RUFY2: variants seen among roughly 807,000 people sequenced by gnomAD.
RUFY2 encodes RUN and FYVE domain-containing protein 2.
A neutral mutation model predicts 94.4 loss-of-function variants in RUFY2; 49 were observed. That is an observed-to-expected ratio of 0.52 (90% CI 0.41 to 0.66). RUFY2 has a LOEUF of 0.66. Among genes scored for constraint, RUFY2 ranks in the 30% least tolerant of loss-of-function variants. The probability of loss-of-function intolerance (pLI) is 0.00; values close to 1 mark genes in which losing one functional copy is unlikely to be tolerated. For missense variants in RUFY2, 541 were observed against 692.8 expected, an observed-to-expected ratio of 0.78 and a Z score of 2.46; for synonymous variants, 255 against 235.7, an observed-to-expected ratio of 1.08 and a Z score of -0.75.
chr10:68,400,472 C>T (rs902393347), intron 3 of RUFY2, among the ~76,000 whole-genome samples: 11 of 151,038 alleles, frequency 7.3e-5, no homozygotes, highest in African/African-American at 2.7e-4. Flanking sequence ...GTCAGGAGAT[C>T]AAGACCATCC....
intron 3 of RUFY2, among the ~76,000 whole-genome samples, chr10:68,400,630 C>T (rs1333120924): frequency 6.7e-6 from 1 of 149,936 alleles, no homozygotes; most frequent in South Asian, 2.1e-4. Context: ...GAGCTGAAAT[C>T]GCACCACTAC....
rs780506311 is a variant in RUFY2 at position 68,394,398 on chromosome 10, A to G, written c.452T>C (p.Val151Ala). Residue 151 changes from valine (V) to alanine (A), a missense_variant, in exon 5 of 18, where the codon GTT (valine) becomes GCT (alanine). Val to Ala is a moderately conservative substitution (Grantham distance 64, BLOSUM62 0). Transcript: ENST00000602465. ...LMMEEEGAVI[V>A]GLLVGLNVID... ...CACATTCAGGCCAACCAGCAGCCCA[A>G]CAATTACTGCTCCTTCTTCTTCCAT... is the stretch of plus-strand genomic sequence containing the variant. The G allele has an allele frequency of 6.2e-7, 1 of 1,613,770 alleles. No individual in the cohort carries two copies. The highest frequency in any genetic ancestry group is 8.5e-7 in the Non-Finnish European group (1 of 1,179,728).
intron 12 of RUFY2, chr10:68,378,474 T>G: frequency 8.9e-6 from 12 of 1,355,110 alleles, no homozygotes; most frequent in Non-Finnish European, 1.1e-5. Context: ...TTTTAGAATA[T>G]TTAATAGCAT....
At chr10:68,353,408 G>C (rs2046832124) in intron 16 of RUFY2, among the ~76,000 whole-genome samples, 2 of 150,460 alleles carry the variant, frequency 1.3e-5, no homozygotes, top group Admixed American at 6.7e-5. Flanking sequence ...TGAGGCAGGA[G>C]AATCACTGAA....
At position 68,345,064 on chromosome 10, in the gene RUFY2, T is replaced by C. The variant is rs2046197985; in HGVS notation, c.*704A>G. On this transcript the variant is annotated 3_prime_UTR_variant, in exon 18 of 18. Coordinates refer to ENST00000602465, the MANE Select transcript of RUFY2 (RefSeq NM_001330103.2). ...TTAATGAAACAGCATATGGGAAGAT[T>C]TATAAATCAGGAAAAGAAAGATGGT... The C allele has an allele frequency of 6.6e-6, 1 of 152,160 alleles. No homozygotes were observed. Among genetic ancestry groups the C allele is most frequent in the South Asian group, 2.1e-4 (1 of 4,830 alleles). The allele number at this position is 152,160 out of a possible 1,614,324, so 9.4% of individuals were successfully genotyped here. A position where few individuals can be genotyped will look rare whatever the true frequency, so the allele number is the denominator to read the frequency against.
intron 15 of RUFY2, among the ~76,000 whole-genome samples, chr10:68,361,798 A>G (rs2132465804): frequency 6.6e-6 from 1 of 152,366 alleles, no homozygotes; most frequent in Middle Eastern, 3.4e-3. Flanking sequence ...TACAAATGAC[A>G]TATGTCCATA....
At position 68,345,099 on chromosome 10, in the gene RUFY2, C is replaced by G. The variant is rs2046199600; in HGVS notation, c.*669G>C. 6.6e-6 allele frequency: 1 copy of G among 152,268 alleles called. No individual in the cohort carries two copies. Among genetic ancestry groups the G allele is most frequent in the Non-Finnish European group, 1.5e-5 (1 of 68,128 alleles). The allele number at this position is 152,268 out of a possible 1,614,324, so 9.4% of individuals were successfully genotyped here. ...GGAAAAGAAAGATGGTTATATGTAACTTCCTTTCAAGATTAAAAGGAAAAA... is the reference window on the plus strand; with the variant it reads ...GGAAAAGAAAGATGGTTATATGTAAGTTCCTTTCAAGATTAAAAGGAAAAA... On this transcript the variant is annotated 3_prime_UTR_variant, in exon 18 of 18. Coordinates refer to ENST00000602465, the MANE Select transcript of RUFY2 (RefSeq NM_001330103.2).
At chr10:68,388,651 A>G (rs181423204) in intron 7 of RUFY2, among the ~76,000 whole-genome samples, 19 of 152,182 alleles carry the variant, frequency 1.2e-4, no homozygotes, top group Admixed American at 8.5e-4. Context: ...CCTGGGCAAC[A>G]TGGTGAAACC....
rs769166818 is a variant in RUFY2, at chr10:68,376,492, T to A, written c.1325+361A>T. ...TATATATATATATATATATATATAT[T>A]CTCAGAAAACAGCATGTCCTTTAAT... On this transcript the variant is annotated intron_variant, in intron 13 of 17. Coordinates refer to ENST00000602465, the MANE Select transcript of RUFY2 (RefSeq NM_001330103.2). Among the ~76,000 whole-genome samples, 127 of 36,656 alleles carry A rather than the reference T, an allele frequency of 3.5e-3. 5 individuals carry two copies. Among genetic ancestry groups the A allele is most frequent in the Non-Finnish European group, 8.0e-3 (102 of 12,744 alleles). The allele number at this position is 36,656 out of a possible 152,430, so 24.0% of individuals were successfully genotyped here.
rs1268180976 is a variant in RUFY2, at chr10:68,401,746, A to C, written c.179-9T>G. On this transcript the variant is annotated splice_polypyrimidine_tract_variant and intron_variant, in intron 2 of 17. Coordinates refer to ENST00000602465, the MANE Select transcript of RUFY2 (RefSeq NM_001330103.2). ...CAAAAATGATTTTCTTACTGAAAAA[A>C]AGAACACATAATGCACACAATGTCA... is the stretch of plus-strand genomic sequence containing the variant. 1 of 1,480,470 alleles carries C rather than the reference A, an allele frequency of 6.8e-7. No homozygotes were observed. The highest frequency in any genetic ancestry group is 9.5e-7 in the Non-Finnish European group (1 of 1,057,970). The allele number at this position is 1,480,470 out of a possible 1,614,324, so 91.7% of individuals were successfully genotyped here. A position where few individuals can be genotyped will look rare whatever the true frequency, so the allele number is the denominator to read the frequency against.
At chr10:68,397,925 GA>G (rs1478986188) in intron 3 of RUFY2, among the ~76,000 whole-genome samples, 1 of 151,406 alleles carries the variant, frequency 6.6e-6, no homozygotes, top group African/African-American at 2.4e-5. Context: ...TCAGGAGTTC[GA>G]AAGAAGCCTA....
intron 13 of RUFY2, among the ~76,000 whole-genome samples, chr10:68,374,909 C>A (rs984723582): frequency 3.3e-5 from 5 of 152,146 alleles, no homozygotes; most frequent in African/African-American, 1.2e-4. Flanking sequence ...AATAACCACT[C>A]CCCAGAATCT....
chr10:68,387,996 C>T (rs762896247), intron 7 of RUFY2, among the ~76,000 whole-genome samples: 24 of 151,920 alleles, frequency 1.6e-4, no homozygotes, highest in Non-Finnish European at 2.9e-4. Context: ...GGGCAAGACT[C>T]TGTCTCAGAA....
Position 68,364,118 on chromosome 10 carries a change from A to C in RUFY2, c.1326-5T>G. 6.2e-7 allele frequency: 1 copy of C among 1,610,432 alleles called. No individual in the cohort carries two copies. Among genetic ancestry groups the C allele is most frequent in the South Asian group, 1.1e-5 (1 of 90,204 alleles). On this transcript the variant is annotated splice_polypyrimidine_tract_variant and splice_region_variant and intron_variant, in intron 13 of 17. Coordinates refer to ENST00000602465, the MANE Select transcript of RUFY2 (RefSeq NM_001330103.2). The stretch of plus-strand genomic sequence containing the variant: ...AAGTCAGTTTCCAGTTGCACCCTTG[A>C]ATGACAAATAACACACAGAAGCTCA...
chr10:68,357,661 T>A lies in RUFY2; in HGVS notation c.1551-2260A>T, dbSNP rs918971898. 3.3e-5 allele frequency among the ~76,000 whole-genome samples: 5 copies of A among 152,316 alleles called. No homozygotes were observed. The South Asian group carries it at 1.0e-3, about 32-fold the overall frequency. ...AGAGGTAATCTTCTCTATATATCTG[T>A]GTATTTTAAATGGAATAATTATCTA... On this transcript the variant is annotated intron_variant, in intron 15 of 17. Coordinates refer to ENST00000602465, the MANE Select transcript of RUFY2 (RefSeq NM_001330103.2).
intron 7 of RUFY2, among the ~76,000 whole-genome samples, chr10:68,392,238 G>A (rs2050054556): frequency 6.6e-6 from 1 of 151,894 alleles, no homozygotes. Context: ...TCACCATACT[G>A]GGCAGGCTGG....
At chr10:68,355,330 C>T (rs2046970996) in intron 16 of RUFY2, 23 bp downstream of exon 16, 1 of 1,584,260 alleles carries the variant, frequency 6.3e-7, no homozygotes, top group Non-Finnish European at 8.7e-7. Flanking sequence ...TACCTTCCCA[C>T]TTTAGGAAAA....
chr10:68,397,576 ATAAAT>A (rs1023652009), intron 3 of RUFY2, among the ~76,000 whole-genome samples: 2 of 151,608 alleles, frequency 1.3e-5, no homozygotes, highest in African/African-American at 4.8e-5. Context: ...TATAAAAAAA[ATAAAT>A]TAATTAAATT....
At position 68,363,973 on chromosome 10, in the gene RUFY2, C is replaced by T. The variant is rs778268253; in HGVS notation, c.1455+11G>A. On this transcript the variant is annotated intron_variant, in intron 14 of 17. Transcript: ENST00000602465. ...TCAAGACAGAATTTTTAAAGTTTTACCACTATTTACTTTTTTAAGACTAAT... is the reference window on the plus strand; with the variant it reads ...TCAAGACAGAATTTTTAAAGTTTTATCACTATTTACTTTTTTAAGACTAAT... The T allele has an allele frequency of 1.9e-6, 3 of 1,547,610 alleles. No homozygotes were observed. The highest frequency in any genetic ancestry group is 2.7e-6 in the Non-Finnish European group (3 of 1,131,206).
Sources: gnomAD v4.1 joint callset for allele counts (sites outside exome capture counted in the v4.1 genomes callset) on GRCh38, gnomAD v4.1.1 for gene constraint, MANE v1.5 for transcripts, NCBI Gene and HGNC (gene_info 2026-07-23, HGNC 2026-07-21) for gene names.